The following HHAT variants were observed in gnomAD, a reference collection of about 807,000 sequenced individuals.
HHAT encodes hedgehog acyltransferase.
HHAT carries 47 observed loss-of-function variants against 70.8 expected under a neutral mutation model. That is an observed-to-expected ratio of 0.66 (90% CI 0.53 to 0.85). The LOEUF (loss-of-function observed/expected upper bound fraction) is 0.85. Among genes scored for constraint, HHAT ranks in the 40% least tolerant of loss-of-function variants. HHAT has a pLI of 0.00. For synonymous variants in HHAT, 228 were observed against 247.6 expected (o/e 0.92, Z 0.74); for missense variants, 609 against 604.8 (o/e 1.01, Z -0.07).
intron 8 of HHAT, among the ~76,000 whole-genome samples, chr1:210,482,269 T>C (rs2223631): frequency 0.76 from 116,140 of 152,042 alleles, 44,609 homozygotes; most frequent in East Asian, 0.99. Context: ...GAGCACAGTT[T>C]TTAGAACTCA....
chr1:210,372,522 A>T lies in HHAT; in HGVS notation c.159+9603A>T, dbSNP rs150618503. The stretch of plus-strand genomic sequence containing the variant: ...TAACTGAATTCTCCTACAAGTACAA[A>T]CATTCATTAGGTAGGGAAGTACAAA... On this transcript the variant is annotated intron_variant, in intron 3 of 11. Transcript: ENST00000261458. 3.3e-4 allele frequency among the ~76,000 whole-genome samples: 50 copies of T among 152,310 alleles called. 2 individuals carry two copies. The East Asian group carries it at 8.9e-3, about 27-fold the overall frequency.
In HHAT at chr1:210,328,927, G is replaced by C; in HGVS notation, c.-221G>C. ...GGGCACGGCGGCAGGGGCGTGCTCG[G>C]AGGACGCGCGCTGCGCTGCTCCTCC... On this transcript the variant is annotated 5_prime_UTR_variant, in exon 1 of 12. Coordinates refer to ENST00000261458, the MANE Select transcript of HHAT (RefSeq NM_018194.6). 1 of 1,040,726 alleles carries C rather than the reference G, an allele frequency of 9.6e-7. No homozygotes were observed. Among genetic ancestry groups the C allele is most frequent in the Non-Finnish European group, 1.2e-6 (1 of 807,394 alleles). The allele number at this position is 1,040,726 out of a possible 1,614,324, so 64.5% of individuals were successfully genotyped here.
intron 4 of HHAT, among the ~76,000 whole-genome samples, chr1:210,393,939 C>T (rs1414647981): frequency 6.6e-6 from 1 of 152,128 alleles, no homozygotes; most frequent in African/African-American, 2.4e-5. Context: ...ACCACCTGGA[C>T]TAAGTGTTCC....
intron 1 of HHAT, among the ~76,000 whole-genome samples, chr1:210,346,070 GAAA>G (rs10616850): frequency 0.18 from 23,505 of 129,596 alleles, 2,118 homozygotes; most frequent in African/African-American, 0.27. Flanking sequence ...TCTCCAGGAA[GAAA>G]AAAAAAAAAA....
intron 7 of HHAT, among the ~76,000 whole-genome samples, chr1:210,433,942 C>A (rs2093316538): frequency 1.3e-5 from 2 of 151,846 alleles, no homozygotes; most frequent in African/African-American, 2.4e-5. Flanking sequence ...TACCTCTGCC[C>A]CCACTGTGGC....
intron 3 of HHAT, chr1:210,374,270 TGC>T (rs1352244197): frequency 6.7e-6 from 1 of 149,848 alleles, no homozygotes; most frequent in African/African-American, 2.5e-5. Flanking sequence ...ACCAGTGTAA[TGC>T]TACAAATTAG....
chr1:210,507,359 CTTTTTTTTTTTTT>C (rs927392992), intron 8 of HHAT, among the ~76,000 whole-genome samples: 2 of 122,540 alleles, frequency 1.6e-5, no homozygotes, highest in Admixed American at 8.9e-5. Flanking sequence ...TTTCTTTTTT[CTTTTTTTTTTTTT>C]TTTTTTGAGA....
chr1:210,630,264 T>A (rs995131843), intron 11 of HHAT, among the ~76,000 whole-genome samples: 10 of 152,088 alleles, frequency 6.6e-5, no homozygotes, highest in Non-Finnish European at 1.2e-4. Flanking sequence ...TATTGCTGTG[T>A]GAGGTGACTT....
At chr1:210,435,824 T>C (rs1041053925) in intron 7 of HHAT, among the ~76,000 whole-genome samples, 2 of 151,902 alleles carry the variant, frequency 1.3e-5, no homozygotes, top group African/African-American at 4.9e-5. Context: ...TTCTTTTTTT[T>C]GCTGTCGAGT....
intron 2 of HHAT, among the ~76,000 whole-genome samples, chr1:210,361,477 G>A (rs759091834): frequency 2.0e-5 from 3 of 152,012 alleles, no homozygotes; most frequent in South Asian, 2.1e-4. Context: ...ACCCTGGGCC[G>A]GTTTGCAAGC....
chr1:210,464,678 G>T, intron 8 of HHAT, 23 bp downstream of exon 8: 1 of 1,613,752 alleles, frequency 6.2e-7, no homozygotes, highest in Non-Finnish European at 8.5e-7. Context: ...GATTGCTAAA[G>T]TTGGTCAGGC....
At chr1:210,345,540 G>A (rs1261492128) in intron 1 of HHAT, among the ~76,000 whole-genome samples, 1 of 152,158 alleles carries the variant, frequency 6.6e-6, no homozygotes, top group African/African-American at 2.4e-5. Flanking sequence ...GATCTTACCT[G>A]TGCTTATTAA....
At position 210,373,187 on chromosome 1, in the gene HHAT, A is replaced by T. The variant is rs949007118; in HGVS notation, c.159+10268A>T. ...TTACACACAAACATGGAAGTGCTGT[A>T]ACATGATTCAGACTTATATAAGTGC... On this transcript the variant is annotated intron_variant, in intron 3 of 11. Coordinates refer to ENST00000261458, the MANE Select transcript of HHAT (RefSeq NM_018194.6). Among the ~76,000 whole-genome samples the T allele has an allele frequency of 5.3e-5, 8 of 152,250 alleles. No individual in the cohort carries two copies. The East Asian group carries it at 1.5e-3, about 29-fold the overall frequency.
intron 3 of HHAT, among the ~76,000 whole-genome samples, chr1:210,382,041 G>A (rs1484968915): frequency 6.6e-6 from 1 of 152,210 alleles, no homozygotes; most frequent in Non-Finnish European, 1.5e-5. Context: ...GCCATCTCTT[G>A]TGATAACAAC....
chr1:210,338,398 G>C (rs1206205985), intron 1 of HHAT, among the ~76,000 whole-genome samples: 1 of 152,034 alleles, frequency 6.6e-6, no homozygotes, highest in African/African-American at 2.4e-5. Context: ...CATAGATGTT[G>C]GTCTGGAAGA....
At position 210,533,635 on chromosome 1, in the gene HHAT, A is replaced by G. The variant is rs1375743847; in HGVS notation, c.1043+20447A>G. 4.6e-5 allele frequency among the ~76,000 whole-genome samples: 7 copies of G among 152,164 alleles called. No homozygotes were observed. The South Asian group carries it at 6.2e-4, about 14-fold the overall frequency. On this transcript the variant is annotated intron_variant, in intron 9 of 11. Transcript: ENST00000261458. ...CTGGAACAGGCAGGAGAGTGGCAGC[A>G]TTTGTATATGGTGCACCCACAGGTG...
chr1:210,328,763 G>A (rs1043903080), upstream of HHAT: 18 of 338,540 alleles, frequency 5.3e-5, no homozygotes, highest in South Asian at 1.5e-4. Flanking sequence ...AGCGGGGCTA[G>A]GGGCCCCGGG....
At chr1:210,427,610 G>A (rs888069810) in intron 7 of HHAT, among the ~76,000 whole-genome samples, 4 of 152,224 alleles carry the variant, frequency 2.6e-5, no homozygotes, top group East Asian at 3.9e-4. Flanking sequence ...TAATTATATG[G>A]TTTTGAGTGA....
chr1:210,603,621 C>T (rs1664753030), intron 10 of HHAT, among the ~76,000 whole-genome samples: 1 of 152,114 alleles, frequency 6.6e-6, no homozygotes, highest in East Asian at 1.9e-4. Context: ...CACATACTCA[C>T]TGCAATATAT....
Sources: gnomAD v4.1 joint callset for allele counts (sites outside exome capture counted in the v4.1 genomes callset) on GRCh38, gnomAD v4.1.1 for gene constraint, MANE v1.5 for transcripts, NCBI Gene and HGNC (gene_info 2026-07-23, HGNC 2026-07-21) for gene names.